SERPINA11: variants seen among roughly 807,000 people sequenced by gnomAD.
The protein encoded by SERPINA11 is serpin A11.
A neutral mutation model predicts 29.4 loss-of-function variants in SERPINA11; 28 were observed. The observed-to-expected ratio is 0.95, with a 90% CI of 0.70 to 1.30. SERPINA11 has a LOEUF of 1.30. SERPINA11 is among the 50% of genes most tolerant of loss of function. The pLI is 0.00. For synonymous variants in SERPINA11, 253 were observed against 206.6 expected, an observed-to-expected ratio of 1.22 and a Z score of -1.92; for missense variants, 530 against 507.3, an observed-to-expected ratio of 1.04 and a Z score of -0.43.
At chr14:94,450,397 C>T (rs1305699414) in intron 1 of SERPINA11, among the ~76,000 whole-genome samples, 1 of 152,128 alleles carries the variant, frequency 6.6e-6, no homozygotes, top group Admixed American at 6.5e-5. Context: ...ACACAGACAA[C>T]ACACAGGGAG....
intron 1 of SERPINA11, among the ~76,000 whole-genome samples, chr14:94,452,300 C>T (rs1004129920): frequency 6.6e-6 from 1 of 152,080 alleles, no homozygotes; most frequent in African/African-American, 2.4e-5. Flanking sequence ...TAGGACAAGC[C>T]GCCTGGTGAG....
rs1179898743 is a variant in SERPINA11, at chr14:94,449,405, TATTCTTTC to T, written c.-3-636_-3-629del. Among the ~76,000 whole-genome samples the T allele has an allele frequency of 6.4e-3, 351 of 55,228 alleles. 15 individuals carry two copies. The highest frequency in any genetic ancestry group is 0.016 in the African/African-American group (297 of 18,936). 36.2% of individuals were successfully genotyped at this position (55,228 alleles called of 152,430 possible). On this transcript the variant is annotated intron_variant, in intron 1 of 4. Transcript: ENST00000334708. ...GCCTCCCTCCCTCTTTCTTTCTTTC[TATTCTTTC>T]TTTCTTTCTTTCTTTCTTTCTTTCT... is the stretch of plus-strand genomic sequence containing the variant.
Position 94,446,622 on chromosome 14 carries a change from A to G in SERPINA11, c.644-18T>C. On this transcript the variant is annotated intron_variant, in intron 2 of 4. Transcript: ENST00000334708. ...CCACTTGGCTTAGGACACAAAACCC[A>G]TAAGGCCATGAGAACTCTTTTCAAG... is the stretch of plus-strand genomic sequence containing the variant. 4 of 1,605,358 alleles carry G rather than the reference A, an allele frequency of 2.5e-6. No individual in the cohort carries two copies. The highest frequency in any genetic ancestry group is 1.3e-5 in the African/African-American group (1 of 74,644).
Position 94,448,129 on chromosome 14 carries a change from C to T in SERPINA11, c.643+3G>A. ...GCAATAATTCTGTCAGAGCAAGCCT[C>T]ACCTTTGAAGAAGATGTAATTGGCA... is the stretch of plus-strand genomic sequence containing the variant. On this transcript the variant is annotated splice_donor_region_variant and intron_variant, in intron 2 of 4. Coordinates refer to ENST00000334708, the MANE Select transcript of SERPINA11 (RefSeq NM_001080451.2). The T allele has an allele frequency of 1.2e-6, 2 of 1,611,684 alleles. No individual in the cohort carries two copies. Among genetic ancestry groups the T allele is most frequent in the Non-Finnish European group, 1.7e-6 (2 of 1,178,274 alleles).
At position 94,442,827 on chromosome 14, in the gene SERPINA11, A is replaced by T; in HGVS notation, c.1066-18T>A. On this transcript the variant is annotated intron_variant, in intron 4 of 4. Coordinates refer to ENST00000334708, the MANE Select transcript of SERPINA11 (RefSeq NM_001080451.2). The stretch of plus-strand genomic sequence containing the variant: ...TGTGACACCTAGAGGACAAGAGGAG[A>T]TGAAGACAGCATCAGTTTGGGGGCC... 1 of 1,578,936 alleles carries T rather than the reference A, an allele frequency of 6.3e-7. No individual in the cohort carries two copies. Among genetic ancestry groups the T allele is most frequent in the Non-Finnish European group, 8.6e-7 (1 of 1,161,846 alleles).
intron 1 of SERPINA11, among the ~76,000 whole-genome samples, chr14:94,449,828 C>T (rs1404955498): frequency 6.6e-6 from 1 of 152,144 alleles, no homozygotes; most frequent in East Asian, 1.9e-4. Context: ...AGCAAATGTC[C>T]TGGCCACACT....
rs1218600715 is a variant in SERPINA11, at chr14:94,448,229, G to A, written c.546C>T (p.Asp182=). ...DSVTTGRQIN[D]YLRRQTYGQV... ...GCCCGTATGTTTGCCTTCTCAAATA[G>A]TCATTAATCTGCCTCCCAGTTGTAA... Residue 182 remains aspartate (D), a synonymous_variant, in exon 2 of 5, where the codon GAC becomes GAT. Coordinates refer to ENST00000334708, the MANE Select transcript of SERPINA11 (RefSeq NM_001080451.2). The A allele has an allele frequency of 1.9e-6, 3 of 1,614,220 alleles. No homozygotes were observed. The highest frequency in any genetic ancestry group is 4.5e-5 in the East Asian group (2 of 44,884).
chr14:94,449,603 C>T (rs1430856484), intron 1 of SERPINA11, among the ~76,000 whole-genome samples: 4 of 146,388 alleles, frequency 2.7e-5, no homozygotes, highest in African/African-American at 7.7e-5. Flanking sequence ...TTCTTCCTTC[C>T]TTCCCTTTTC....
intron 3 of SERPINA11, 47 bp from the exon 4 acceptor site, chr14:94,443,272 T>A: frequency 6.3e-7 from 1 of 1,578,788 alleles, no homozygotes; most frequent in Non-Finnish European, 8.6e-7. Flanking sequence ...TGTTAATATG[T>A]GCCACTCCTG....
chr14:94,452,056 C>T (rs1226019631), intron 1 of SERPINA11, among the ~76,000 whole-genome samples: 1 of 152,150 alleles, frequency 6.6e-6, no homozygotes. Flanking sequence ...TTTGGATCAG[C>T]TCAATGCCTG....
At chr14:94,446,647 G>A (rs1898445580) in intron 2 of SERPINA11, 43 bp from the exon 3 acceptor site, 1 of 1,571,240 alleles carries the variant, frequency 6.4e-7, no homozygotes, top group Non-Finnish European at 8.6e-7. Context: ...CTCTTTTCAA[G>A]AGAGCAACTC....
At chr14:94,444,317 G>T (rs1898397377) in intron 3 of SERPINA11, among the ~76,000 whole-genome samples, 1 of 152,116 alleles carries the variant, frequency 6.6e-6, no homozygotes, top group Admixed American at 6.6e-5. Context: ...ACATCTGAAT[G>T]GAGTGAAACA....
chr14:94,452,793 T>C lies in SERPINA11; in HGVS notation c.-68A>G, dbSNP rs1024933059. The C allele has an allele frequency of 6.6e-6, 1 of 152,068 alleles. No homozygotes were observed. The highest frequency in any genetic ancestry group is 6.6e-5 in the Admixed American group (1 of 15,244). The allele number at this position is 152,068 out of a possible 1,614,324, so 9.4% of individuals were successfully genotyped here. A position where few individuals can be genotyped will look rare whatever the true frequency, so the allele number is the denominator to read the frequency against. ...TGCATCACCTCTACCCACAGGAAAA[T>C]GGTGTTTGAAGATGACAGCAACCTG... On this transcript the variant is annotated 5_prime_UTR_variant, in exon 1 of 5. Transcript: ENST00000334708.
chr14:94,447,673 A>G (rs1042363925), intron 2 of SERPINA11, among the ~76,000 whole-genome samples: 3 of 152,154 alleles, frequency 2.0e-5, no homozygotes, highest in Admixed American at 1.3e-4. Context: ...TTATTCTGCT[A>G]TTGTGTTTGA....
chr14:94,445,139 G>A (rs1595652988), intron 3 of SERPINA11, among the ~76,000 whole-genome samples: 1 of 152,180 alleles, frequency 6.6e-6, no homozygotes, highest in Admixed American at 6.5e-5. Flanking sequence ...CCCAGCACAG[G>A]CACCAGACAC....
rs1211557741 is a variant in SERPINA11 at position 94,442,529 on chromosome 14, C to G, written c.*77G>C. The G allele has an allele frequency of 2.9e-6, 3 of 1,038,648 alleles. No homozygotes were observed. Among genetic ancestry groups the G allele is most frequent in the Non-Finnish European group, 4.2e-6 (3 of 706,110 alleles). 64.3% of individuals were successfully genotyped at this position (1,038,648 alleles called of 1,614,324 possible). A position where few individuals can be genotyped will look rare whatever the true frequency, so the allele number is the denominator to read the frequency against. On this transcript the variant is annotated 3_prime_UTR_variant, in exon 5 of 5. Coordinates refer to ENST00000334708, the MANE Select transcript of SERPINA11 (RefSeq NM_001080451.2). ...ACTGATTAACTGAACCACATAGCAG[C>G]CCCAGGATGCAGGCTGGTTCTGGCC...
At position 94,446,559 on chromosome 14, in the gene SERPINA11, T is replaced by G. The variant is rs1885137; in HGVS notation, c.689A>C (p.Glu230Ala). The change falls in exon 3 of 5, where the codon GAA (glutamate) becomes GCA (alanine). Residue 230 changes from glutamate (E) to alanine (A), a missense_variant. Glu to Ala is a moderately radical substitution (Grantham distance 107, BLOSUM62 -1). Coordinates refer to ENST00000334708, the MANE Select transcript of SERPINA11 (RefSeq NM_001080451.2). ...AGTCCTCTCATCCACAAAGAAACTT[T>G]CCTGCTTCTGGGTCTGGTAGCGACT... is the stretch of plus-strand genomic sequence containing the variant. ...PFSRYQTQKQ[E>A]SFFVDERTSL... The G allele has an allele frequency of 0.39, 623,013 of 1,613,572 alleles. 125,971 individuals are homozygous for G. The highest frequency in any genetic ancestry group is 0.41 in the Non-Finnish European group (487,245 of 1,179,600).
intron 3 of SERPINA11, among the ~76,000 whole-genome samples, chr14:94,444,830 C>T (rs1416779520): frequency 6.6e-6 from 1 of 152,130 alleles, no homozygotes; most frequent in Non-Finnish European, 1.5e-5. Flanking sequence ...CAAAAGGTGG[C>T]ATCTATGCAC....
intron 2 of SERPINA11, among the ~76,000 whole-genome samples, chr14:94,447,089 A>G (rs930946109): frequency 7.0e-4 from 107 of 152,328 alleles, no homozygotes; most frequent in Non-Finnish European, 1.1e-3. Context: ...ACAACCTTCT[A>G]CAGAGACGCT....
Sources: gnomAD v4.1 joint callset for allele counts (sites outside exome capture counted in the v4.1 genomes callset) on GRCh38, gnomAD v4.1.1 for gene constraint, MANE v1.5 for transcripts, NCBI Gene and HGNC (gene_info 2026-07-23, HGNC 2026-07-21) for gene names.